ABHD2: variants seen among roughly 807,000 people sequenced by gnomAD.
The protein encoded by ABHD2 is abhydrolase domain containing 2, acylglycerol lipase, also known as monoacylglycerol lipase ABHD2.
A neutral mutation model predicts 48.1 loss-of-function variants in ABHD2; 20 were observed. The ratio of observed to expected loss-of-function variants is 0.42; its 90% confidence interval spans 0.29 to 0.60. The LOEUF is 0.60. ABHD2 is among the 20% of genes least tolerant of loss of function. The pLI is 0.24. For missense variants in ABHD2, 405 were observed against 550.9 expected (o/e 0.74, Z 2.65); for synonymous variants, 209 against 214.2 (o/e 0.98, Z 0.21).
chr15:89,188,384 A>G lies in ABHD2; in HGVS notation c.926+81A>G. ...CTGCAGGTCAGCTGTGCCCAGCACTAGTGTTTGCTCTGCCTACTTGAGTGT... is the reference window on the plus strand; with the variant it reads ...CTGCAGGTCAGCTGTGCCCAGCACTGGTGTTTGCTCTGCCTACTTGAGTGT... On this transcript the variant is annotated intron_variant, in intron 8 of 10. Transcript: ENST00000352732. The surrounding 1 kb of genome is among the most constrained non-coding windows in gnomAD (Gnocchi z 4.1). 1.6e-6 allele frequency: 2 copies of G among 1,269,468 alleles called. No individual in the cohort carries two copies. The allele number at this position is 1,269,468 out of a possible 1,614,324, so 78.6% of individuals were successfully genotyped here. A position where few individuals can be genotyped will look rare whatever the true frequency, so the allele number is the denominator to read the frequency against.
chr15:89,168,495 A>T lies in ABHD2; in HGVS notation c.539-7317A>T, dbSNP rs145415998. Among the ~76,000 whole-genome samples, 4 of 152,292 alleles carry T rather than the reference A, an allele frequency of 2.6e-5. No homozygotes were observed. Among genetic ancestry groups the T allele is most frequent in the Admixed American group, 2.0e-4 (3 of 15,300 alleles). ...GGACCTTCCAGAAGGCTGATCCTGG[A>T]GCTGGGCACCATGTCTTTGCCCTTC... is the stretch of plus-strand genomic sequence containing the variant. On this transcript the variant is annotated intron_variant, in intron 5 of 10. Transcript: ENST00000352732. The surrounding 1 kb of genome is among the most constrained non-coding windows in gnomAD (Gnocchi z 4.8).
At chr15:89,132,012 A>G (rs1451423994) in intron 3 of ABHD2, among the ~76,000 whole-genome samples, 4 of 152,248 alleles carry the variant, frequency 2.6e-5, no homozygotes, top group African/African-American at 4.8e-5. Flanking sequence ...CAGATGAGGC[A>G]TCCTGTTGGA....
At chr15:89,069,794 CT>C in the ABHD2 span, among the ~76,000 whole-genome samples, 1 of 142,760 alleles carries the variant, frequency 7.0e-6, no homozygotes, top group Admixed American at 7.6e-5. Context: ...ATTCTCCTGC[CT>C]CAGCCTCCCA....
chr15:89,080,470 G>C, the ABHD2 span, among the ~76,000 whole-genome samples: 1 of 152,174 alleles, frequency 6.6e-6, no homozygotes, highest in Non-Finnish European at 1.5e-5. Context: ...CATCAGCTAA[G>C]AAGAGCCCCC....
At chr15:89,159,289 A>G (rs1209957759) in intron 5 of ABHD2, among the ~76,000 whole-genome samples, 1 of 152,018 alleles carries the variant, frequency 6.6e-6, no homozygotes, top group East Asian at 1.9e-4. Flanking sequence ...AGGCAGGAGA[A>G]TCACTTGAAC....
chr15:89,103,739 C>G (rs1050348531), intron 1 of ABHD2, among the ~76,000 whole-genome samples: 3 of 152,158 alleles, frequency 2.0e-5, no homozygotes, highest in African/African-American at 7.2e-5. Flanking sequence ...CTGGGTCTTT[C>G]CACTTGGGTT....
In ABHD2 at chr15:89,201,704, G is replaced by T; in HGVS notation, c.*6281G>T. On this transcript the variant is annotated 3_prime_UTR_variant, in exon 11 of 11. Transcript: ENST00000352732. The stretch of plus-strand genomic sequence containing the variant: ...GATTTCGCAATTTAAGATTTGTAGT[G>T]ACTACATCTGTGAAGGGGCCTTTGA... 3 of 1,607,744 alleles carry T rather than the reference G, an allele frequency of 1.9e-6. No homozygotes were observed. Among genetic ancestry groups the T allele is most frequent in the East Asian group, 2.2e-5 (1 of 44,860 alleles).
chr15:89,058,598 G>A, the ABHD2 span, among the ~76,000 whole-genome samples: 1 of 152,118 alleles, frequency 6.6e-6, no homozygotes, highest in Non-Finnish European at 1.5e-5. Flanking sequence ...GGGACAAGGA[G>A]AGATGACATC....
intron 3 of ABHD2, among the ~76,000 whole-genome samples, chr15:89,141,184 G>A (rs2050397003): frequency 6.6e-6 from 1 of 151,604 alleles, no homozygotes; most frequent in African/African-American, 2.4e-5. Context: ...GTCTTCCTAT[G>A]TCACCCAGGC....
intron 1 of ABHD2, among the ~76,000 whole-genome samples, chr15:89,103,694 C>T (rs1001468288): frequency 1.3e-5 from 2 of 152,092 alleles, no homozygotes; most frequent in African/African-American, 4.8e-5. Context: ...CAAATGGGAT[C>T]CTCTCCCTCC....
At chr15:89,053,244 G>C in the ABHD2 span, among the ~76,000 whole-genome samples, 1 of 152,244 alleles carries the variant, frequency 6.6e-6, no homozygotes, top group South Asian at 2.1e-4. Context: ...GGGATTACAG[G>C]CATGAGCCAC....
At chr15:89,141,642 G>A (rs1403591003) in intron 3 of ABHD2, among the ~76,000 whole-genome samples, 2 of 152,084 alleles carry the variant, frequency 1.3e-5, no homozygotes, top group Admixed American at 1.3e-4. Flanking sequence ...AGTTAAAGCA[G>A]GAAGAGGGGA....
intron 3 of ABHD2, among the ~76,000 whole-genome samples, chr15:89,131,588 A>G (rs756174846): frequency 6.6e-6 from 1 of 152,222 alleles, no homozygotes; most frequent in African/African-American, 2.4e-5. Context: ...CAGGTCCCCT[A>G]GAGTCTGGAG....
chr15:89,128,797 G>A (rs1293646961), intron 3 of ABHD2, among the ~76,000 whole-genome samples: 1 of 152,122 alleles, frequency 6.6e-6, no homozygotes, highest in African/African-American at 2.4e-5. Flanking sequence ...GTGGGGGGGA[G>A]GAAGAGGAGA....
chr15:89,061,646 C>T, the ABHD2 span, among the ~76,000 whole-genome samples: 3 of 152,020 alleles, frequency 2.0e-5, no homozygotes, highest in Non-Finnish European at 2.9e-5. Context: ...AATCTCAGCT[C>T]GCTGCAGCCT....
At chr15:89,105,270 G>A (rs1211049575) in intron 1 of ABHD2, among the ~76,000 whole-genome samples, 2 of 152,244 alleles carry the variant, frequency 1.3e-5, no homozygotes, top group East Asian at 3.8e-4. Flanking sequence ...TGTTTAACTG[G>A]TGACTCAGTC....
intron 3 of ABHD2, among the ~76,000 whole-genome samples, chr15:89,145,279 A>G (rs2050472653): frequency 6.6e-6 from 1 of 152,174 alleles, no homozygotes; most frequent in African/African-American, 2.4e-5. Flanking sequence ...AACAAAACAA[A>G]AAAACACTTC....
chr15:89,080,665 C>A, the ABHD2 span, among the ~76,000 whole-genome samples: 1 of 148,422 alleles, frequency 6.7e-6, no homozygotes, highest in African/African-American at 2.5e-5. Context: ...GACAGCTTAA[C>A]AAAGAGATAA....
chr15:89,048,656 C>A, the ABHD2 span, among the ~76,000 whole-genome samples: 1 of 151,982 alleles, frequency 6.6e-6, no homozygotes, highest in Non-Finnish European at 1.5e-5. Context: ...TTTCATCTTC[C>A]ATCACTGATA....
Sources: allele counts gnomAD v4.1 joint callset (sites outside exome capture counted in the v4.1 genomes callset), GRCh38; gene constraint gnomAD v4.1.1; non-coding constraint Gnocchi (gnomAD v3.1); transcripts MANE v1.5; gene names NCBI Gene and HGNC (gene_info 2026-07-23, HGNC 2026-07-21).